Variants in SLC14A2 observed in about 807,000 individuals in gnomAD.
SLC14A2 encodes the protein urea transporter 2.
SLC14A2 carries 91 observed loss-of-function variants against 104.6 expected under a neutral mutation model. The ratio of observed to expected loss-of-function variants is 0.87; its 90% CI spans 0.73 to 1.04. SLC14A2 has a LOEUF of 1.04. SLC14A2 is among the 50% of genes least tolerant of loss of function. The pLI, the probability that SLC14A2 is intolerant of heterozygous loss-of-function variation, is 0.00. For synonymous variants in SLC14A2, 476 were observed against 466.4 expected (o/e 1.02, Z -0.27); for missense variants, 1,189 against 1,156.0 (o/e 1.03, Z -0.41).
intron 1 of SLC14A2, among the ~76,000 whole-genome samples, chr18:45,329,438 C>T (rs1212916175): frequency 6.6e-6 from 1 of 152,188 alleles, no homozygotes; most frequent in Admixed American, 6.5e-5. Flanking sequence ...TTGCAGACTA[C>T]AACACCCTCT....
the SLC14A2 span, among the ~76,000 whole-genome samples, chr18:45,198,615 T>A: frequency 6.6e-6 from 1 of 152,140 alleles, no homozygotes; most frequent in African/African-American, 2.4e-5. Context: ...TCTTTTGAAT[T>A]GATACAGTAT....
intron 1 of SLC14A2, among the ~76,000 whole-genome samples, chr18:45,362,839 C>T (rs2085626221): frequency 6.6e-6 from 1 of 152,178 alleles, no homozygotes; most frequent in Non-Finnish European, 1.5e-5. Context: ...CCTTGGACTC[C>T]AAGACAAATA....
intron 1 of SLC14A2, among the ~76,000 whole-genome samples, chr18:45,229,024 AG>A (rs2084148056): frequency 6.6e-6 from 1 of 152,194 alleles, no homozygotes; most frequent in Non-Finnish European, 1.5e-5. Context: ...TGGTATCCAA[AG>A]GCCCTCTCCA....
intron 6 of SLC14A2, 35 bp from the exon 7 acceptor site, chr18:45,639,711 A>G (rs375785791): frequency 3.0e-5 from 48 of 1,608,042 alleles, no homozygotes; most frequent in Non-Finnish European, 3.9e-5. Context: ...ATTATTGTCC[A>G]TGCTCCAGTG....
chr18:45,341,585 T>C (rs2085395516), intron 1 of SLC14A2, among the ~76,000 whole-genome samples: 1 of 151,078 alleles, frequency 6.6e-6, no homozygotes, highest in Non-Finnish European at 1.5e-5. Flanking sequence ...TGAAACACTG[T>C]CTAGTATTAC....
intron 2 of SLC14A2, among the ~76,000 whole-genome samples, chr18:45,549,118 C>T (rs1056492400): frequency 2.0e-5 from 3 of 152,176 alleles, no homozygotes; most frequent in East Asian, 3.8e-4. Context: ...CGATGCTGCT[C>T]GAATAGAAGT....
At chr18:45,651,305 C>G (rs1382470396) in intron 10 of SLC14A2, among the ~76,000 whole-genome samples, 4 of 152,054 alleles carry the variant, frequency 2.6e-5, no homozygotes, top group Non-Finnish European at 1.5e-5. Context: ...AAGATGAGGC[C>G]AAGCTGGATG....
intron 1 of SLC14A2, among the ~76,000 whole-genome samples, chr18:45,454,610 T>A (rs1233261201): frequency 6.6e-6 from 1 of 152,210 alleles, no homozygotes; most frequent in Admixed American, 6.5e-5. Context: ...TTGCCTAGGT[T>A]TTCTTAGAGG....
At chr18:45,576,272 C>CTTT (rs776335445) in intron 2 of SLC14A2, among the ~76,000 whole-genome samples, 22,701 of 90,540 alleles carry the variant, frequency 0.25, 3,142 homozygotes, top group Non-Finnish European at 0.3. Flanking sequence ...GGAGCAGGGG[C>CTTT]TTTTTTTTTT....
At chr18:45,285,495 G>A (rs762937059) in intron 1 of SLC14A2, among the ~76,000 whole-genome samples, 3 of 152,174 alleles carry the variant, frequency 2.0e-5, no homozygotes, top group Non-Finnish European at 2.9e-5. Flanking sequence ...TCGGCTCACC[G>A]CAACCTCTGC....
rs73431925 is a variant in SLC14A2, at chr18:45,373,181, A to G, written c.-124-110052A>G. 2.0e-3 allele frequency among the ~76,000 whole-genome samples: 306 copies of G among 152,340 alleles called. 5 individuals are homozygous for G. Among genetic ancestry groups the G allele is most frequent in the African/African-American group, 7.0e-3 (290 of 41,580 alleles). On this transcript the variant is annotated intron_variant, in intron 1 of 20. Transcript: ENST00000586448. Reference sequence around the variant, plus strand: ...ATGCCCCATGACACTAAATGTGGGCATATACAGAGTGATAGTTCCTTATAA... The same window carrying G: ...ATGCCCCATGACACTAAATGTGGGCGTATACAGAGTGATAGTTCCTTATAA...
intron 2 of SLC14A2, among the ~76,000 whole-genome samples, chr18:45,571,535 G>A (rs1316156260): frequency 6.6e-6 from 1 of 152,192 alleles, no homozygotes; most frequent in East Asian, 1.9e-4. Context: ...AAATAAACGT[G>A]ATCATTATAA....
chr18:45,365,528 T>C (rs952442274), intron 1 of SLC14A2, among the ~76,000 whole-genome samples: 1 of 152,198 alleles, frequency 6.6e-6, no homozygotes, highest in Non-Finnish European at 1.5e-5. Flanking sequence ...ACAAAGAAAA[T>C]TCATAACCCA....
At chr18:45,668,171 A>G in intron 14 of SLC14A2, 149 bp downstream of exon 14, 1 of 1,133,128 alleles carries the variant, frequency 8.8e-7, no homozygotes, top group South Asian at 1.5e-5. Flanking sequence ...TCATAGCAAC[A>G]TATTTCTAGA....
chr18:45,626,625 T>C (rs1311400259), intron 3 of SLC14A2, among the ~76,000 whole-genome samples: 3 of 151,474 alleles, frequency 2.0e-5, no homozygotes, highest in African/African-American at 7.3e-5. Context: ...ACCCTTTCTT[T>C]TGGACCAATA....
Position 45,284,292 on chromosome 18 carries a change from A to G in SLC14A2, c.-125+71101A>G, listed in dbSNP as rs182536216. On this transcript the variant is annotated intron_variant, in intron 1 of 20. Coordinates refer to the SLC14A2 transcript ENST00000586448. ...GTATGACATGGGGGCTGACTCCTGT[A>G]ATACCTTGTTTCCCAGATTTCCATG... 7.2e-4 allele frequency among the ~76,000 whole-genome samples: 109 copies of G among 152,274 alleles called. 1 individual carries two copies. The highest frequency in any genetic ancestry group is 2.9e-5 in the Non-Finnish European group (2 of 68,022).
chr18:45,546,764 A>G (rs1451365441), intron 2 of SLC14A2, among the ~76,000 whole-genome samples: 1 of 152,198 alleles, frequency 6.6e-6, no homozygotes, highest in African/African-American at 2.4e-5. Context: ...CTACCTCATG[A>G]GGTTGTAATG....
intron 1 of SLC14A2, among the ~76,000 whole-genome samples, chr18:45,331,057 G>T (rs1272506814): frequency 3.3e-5 from 5 of 152,164 alleles, no homozygotes; most frequent in Non-Finnish European, 7.4e-5. Context: ...TGATATTTTT[G>T]TGCCCCAAAT....
At chr18:45,205,079 G>A in the SLC14A2 span, among the ~76,000 whole-genome samples, 2 of 152,198 alleles carry the variant, frequency 1.3e-5, no homozygotes, top group African/African-American at 4.8e-5. Flanking sequence ...TGAGAACTTG[G>A]AGCTTCCACT....
Sources: allele counts gnomAD v4.1 joint callset (sites outside exome capture counted in the v4.1 genomes callset), GRCh38; gene constraint gnomAD v4.1.1; transcripts MANE v1.5; gene names NCBI Gene and HGNC (gene_info 2026-07-23, HGNC 2026-07-21).